Variants in HDAC9 observed in about 807,000 individuals in gnomAD.
The protein encoded by HDAC9 is histone deacetylase 9, also known as MEF-2 interacting transcription repressor (MITR) protein.
A neutral mutation model predicts 139.4 loss-of-function variants in HDAC9; 41 were observed. That is an observed-to-expected ratio of 0.29 (90% CI 0.23 to 0.38). HDAC9 has a LOEUF of 0.38. HDAC9 is among the 10% of genes least tolerant of loss of function. The pLI, the probability that HDAC9 is intolerant of heterozygous loss-of-function variation, is 1.00. For synonymous variants in HDAC9, 517 were observed against 476.2 expected, an observed-to-expected ratio of 1.09 and a Z score of -1.12; for missense variants, 1,147 against 1,297.0, an observed-to-expected ratio of 0.88 and a Z score of 1.78.
chr7:18,686,884 A>C (rs1328955683), intron 12 of HDAC9, among the ~76,000 whole-genome samples: 3 of 151,896 alleles, frequency 2.0e-5, no homozygotes, highest in African/African-American at 7.2e-5. Flanking sequence ...ATTGCTTATC[A>C]CACATCAGAA....
intron 1 of HDAC9, among the ~76,000 whole-genome samples, chr7:18,347,266 A>T (rs892487091): frequency 2.0e-5 from 3 of 152,210 alleles, no homozygotes; most frequent in Non-Finnish European, 4.4e-5. Context: ...CTTAGCAGAA[A>T]GTGAAGGAAA....
rs1185833473 is a variant in HDAC9, at chr7:18,829,195, A to C, written c.2357A>C (p.His786Pro). Reference sequence around the variant, plus strand: ...GCTGTTGTGAGGCCCCCTGGCCATCACGCTGAAGAATCCACAGCCATGTAA... The same window carrying C: ...GCTGTTGTGAGGCCCCCTGGCCATCCCGCTGAAGAATCCACAGCCATGTAA... Reference protein sequence around the residue: ...GFAVVRPPGHHAEESTAMGFC... With the variant: ...GFAVVRPPGHPAEESTAMGFC... Residue 786 changes from histidine to proline, a missense_variant, in exon 18 of 26, where the codon CAC (histidine) becomes CCC (proline). Physicochemically the swap from His to Pro is moderately conservative, Grantham distance 77. Around this residue, in one of 7 missense-constraint regions of HDAC9, gnomAD observed 407 missense variants for 521.5 expected, o/e 0.78. Coordinates refer to ENST00000686413, the MANE Select transcript of HDAC9 (RefSeq NM_178425.4). 1 of 1,613,416 alleles carries C rather than the reference A, an allele frequency of 6.2e-7. No individual in the cohort carries two copies. Among genetic ancestry groups the C allele is most frequent in the East Asian group, 2.2e-5 (1 of 44,878 alleles).
At chr7:18,968,726 G>C (rs1196881351) in intron 24 of HDAC9, among the ~76,000 whole-genome samples, 2 of 152,044 alleles carry the variant, frequency 1.3e-5, no homozygotes, top group South Asian at 4.1e-4. Flanking sequence ...TTGGGAGGCC[G>C]AGGCGGGCGG....
chr7:18,191,300 A>T (rs1790335824), intron 2 of HDAC9, among the ~76,000 whole-genome samples: 1 of 152,038 alleles, frequency 6.6e-6, no homozygotes, highest in South Asian at 2.1e-4. Context: ...AAGTTACTTA[A>T]CTTGACTACG....
At chr7:18,662,318 A>T (rs1793452166) in intron 11 of HDAC9, among the ~76,000 whole-genome samples, 1 of 151,768 alleles carries the variant, frequency 6.6e-6, no homozygotes. Context: ...GTGTAGAGGA[A>T]AGCCTAAAGA....
intron 17 of HDAC9, among the ~76,000 whole-genome samples, chr7:18,821,413 G>A (rs192255668): frequency 1.3e-5 from 2 of 152,294 alleles, no homozygotes; most frequent in East Asian, 3.9e-4. Context: ...AAGGGAGGGA[G>A]TGGGTAAGTG....
At chr7:18,765,118 A>G (rs1789717835) in intron 15 of HDAC9, among the ~76,000 whole-genome samples, 1 of 152,186 alleles carries the variant, frequency 6.6e-6, no homozygotes, top group Admixed American at 6.5e-5. Context: ...ATAAGACAAC[A>G]TAATTAAAAA....
At chr7:18,772,878 G>A (rs4721725) in intron 16 of HDAC9, among the ~76,000 whole-genome samples, 32,875 of 151,988 alleles carry the variant, frequency 0.22, 4,132 homozygotes, top group East Asian at 0.6. Context: ...TATTATTAAA[G>A]TCAGGGAATT....
intron 1 of HDAC9, among the ~76,000 whole-genome samples, chr7:18,095,430 A>T (rs995735406): frequency 6.6e-6 from 1 of 152,194 alleles, no homozygotes; most frequent in African/African-American, 2.4e-5. Context: ...ATATAGTAGT[A>T]TATTTAATAT....
chr7:18,467,275 C>T (rs556275873), intron 1 of HDAC9, among the ~76,000 whole-genome samples: 208 of 152,120 alleles, frequency 1.4e-3, no homozygotes, highest in Non-Finnish European at 2.5e-3. Context: ...TGATATTTCC[C>T]TCTCCCTCAT....
intron 22 of HDAC9, among the ~76,000 whole-genome samples, chr7:18,911,604 A>G (rs1802749722): frequency 6.6e-6 from 1 of 150,518 alleles, no homozygotes; most frequent in African/African-American, 2.4e-5. Flanking sequence ...ATGCATTGTT[A>G]GGTTGTTTAT....
At chr7:18,140,768 C>T (rs984348725) in intron 1 of HDAC9, among the ~76,000 whole-genome samples, 2 of 151,930 alleles carry the variant, frequency 1.3e-5, no homozygotes, top group Non-Finnish European at 2.9e-5. Flanking sequence ...TACATATATA[C>T]ACTGAATATA....
intron 21 of HDAC9, among the ~76,000 whole-genome samples, chr7:18,869,852 T>G (rs1798782836): frequency 6.6e-6 from 1 of 151,092 alleles, no homozygotes; most frequent in South Asian, 2.1e-4. Context: ...TGAACGCATA[T>G]GCAAAGCAGT....
At chr7:18,249,511 AAAAAAAAAAAAAC>A (rs1299670915) in intron 2 of HDAC9, among the ~76,000 whole-genome samples, 72 of 147,540 alleles carry the variant, frequency 4.9e-4, no homozygotes, top group Non-Finnish European at 7.5e-4. Context: ...TCAAAAAAAA[AAAAAAAAAAAAAC>A]AAAAAAAAAA....
intron 2 of HDAC9, among the ~76,000 whole-genome samples, chr7:18,257,118 ATGTGTG>A (rs150400645): frequency 1.7e-3 from 158 of 95,294 alleles, no homozygotes; most frequent in African/African-American, 4.3e-3. Context: ...GTGTGCATGT[ATGTGTG>A]TGTGTGTGTG....
chr7:18,919,277 CTG>C (rs1002760215), intron 22 of HDAC9, among the ~76,000 whole-genome samples: 12 of 151,966 alleles, frequency 7.9e-5, no homozygotes, highest in African/African-American at 2.9e-4. Context: ...TGGCATGTAA[CTG>C]TTTATACTTC....
Position 18,451,184 on chromosome 7 carries a change from C to G in HDAC9, c.-41-45078C>G, listed in dbSNP as rs115356273. Among the ~76,000 whole-genome samples the G allele has an allele frequency of 2.5e-3, 379 of 152,094 alleles. 5 individuals are homozygous for G. The highest frequency in any genetic ancestry group is 8.5e-3 in the African/African-American group (353 of 41,504). On this transcript the variant is annotated intron_variant, in intron 1 of 3. Transcript: ENST00000413509. ...GCCCCTTTGCCCTTTCATCATGTGA[C>G]GGCACAGAGAAAGCATCGTCCATGA...
chr7:18,882,775 A>G (rs1443955004), intron 22 of HDAC9, among the ~76,000 whole-genome samples: 1 of 152,136 alleles, frequency 6.6e-6, no homozygotes, highest in Non-Finnish European at 1.5e-5. Context: ...CTAAATATTC[A>G]GTGAAAGTCT....
chr7:18,206,043 T>G (rs1735453845), intron 2 of HDAC9, among the ~76,000 whole-genome samples: 1 of 152,182 alleles, frequency 6.6e-6, no homozygotes, highest in African/African-American at 2.4e-5. Flanking sequence ...AGTTAAAATT[T>G]TGAATAGTTG....
Sources: gnomAD v4.1 joint callset for allele counts (sites outside exome capture counted in the v4.1 genomes callset) on GRCh38, gnomAD v4.1.1 for gene constraint, gnomAD v4.1.1 regional missense constraint, MANE v1.5 for transcripts, NCBI Gene and HGNC (gene_info 2026-07-23, HGNC 2026-07-21) for gene names.